Variants in RPL26L1 observed in about 807,000 individuals in gnomAD.
RPL26L1 encodes the protein ribosomal protein uL24-like.
Under a neutral mutation model 15.2 loss-of-function variants are expected in RPL26L1, and 8 were observed. The ratio of observed to expected loss-of-function variants is 0.53; its 90% CI spans 0.31 to 0.95. RPL26L1 has a LOEUF of 0.95. Ranked by LOEUF, RPL26L1 falls within the 40% of genes least tolerant of loss-of-function variation. RPL26L1 has a pLI of 0.05. For synonymous variants in RPL26L1, 51 were observed against 65.9 expected (o/e 0.77, Z 1.09); for missense variants, 146 against 190.9 (o/e 0.76, Z 1.39).
At chr5:172,955,289 C>A, upstream of RPL26L1, 1 of 282,854 alleles carries the variant, frequency 3.5e-6, no homozygotes. Context: ...CCACCATGCC[C>A]AGCTAATTTT....
chr5:172,959,504 T>C (rs2113522771), intron 1 of RPL26L1, 36 bp downstream of exon 1: 1 of 1,050,950 alleles, frequency 9.5e-7, no homozygotes, highest in Non-Finnish European at 1.2e-6. Flanking sequence ...GACAGTGAAC[T>C]CTACCGCCCC....
At chr5:172,964,263 C>T (rs1755359215) in intron 2 of RPL26L1, among the ~76,000 whole-genome samples, 1 of 144,548 alleles carries the variant, frequency 6.9e-6, no homozygotes, top group African/African-American at 2.5e-5. Flanking sequence ...GCATGAGCCA[C>T]AGTGTCTGGC....
chr5:172,957,032 T>TTC, upstream of RPL26L1: 1 of 368,112 alleles, frequency 2.7e-6, no homozygotes, highest in South Asian at 2.0e-5. Flanking sequence ...ACCAAGAGGC[T>TTC]GAATATCTTC....
upstream of RPL26L1, among the ~76,000 whole-genome samples, chr5:172,954,163 G>C (rs1390298504): frequency 6.6e-6 from 1 of 152,210 alleles, no homozygotes; most frequent in African/African-American, 2.4e-5. Flanking sequence ...TGAGCTACAA[G>C]AAATGAACCT....
chr5:172,968,074 G>A (rs1755537211), intron 2 of RPL26L1, among the ~76,000 whole-genome samples: 1 of 151,798 alleles, frequency 6.6e-6, no homozygotes, highest in Non-Finnish European at 1.5e-5. Flanking sequence ...TCAGATTTGG[G>A]GTGCTTAGCT....
chr5:172,959,711 C>T, intron 1 of RPL26L1, 154 bp from the exon 2 acceptor site: 3 of 1,089,278 alleles, frequency 2.8e-6, no homozygotes, highest in Non-Finnish European at 4.0e-6. Flanking sequence ...GATAGTCAGA[C>T]TAGTCGCATC....
At chr5:172,955,261 T>C (rs533921075), upstream of RPL26L1, 130 of 318,526 alleles carry the variant, frequency 4.1e-4, 1 homozygote, top group Middle Eastern at 4.6e-3. Flanking sequence ...CCTGAGTAGC[T>C]GAGATTACAG....
intron 3 of RPL26L1, among the ~76,000 whole-genome samples, chr5:172,969,027 C>T (rs776202732): frequency 1.5e-4 from 23 of 151,698 alleles, no homozygotes; most frequent in Admixed American, 6.6e-4. Flanking sequence ...AGGATGGTCT[C>T]GATCTCCTGA....
intron 3 of RPL26L1, 85 bp downstream of exon 3, chr5:172,968,684 C>T: frequency 6.6e-7 from 1 of 1,515,896 alleles, no homozygotes; most frequent in South Asian, 1.2e-5. Context: ...ACTCCCTGCA[C>T]AGTTGGCTGA....
upstream of RPL26L1, chr5:172,956,996 T>C (rs574669948): frequency 1.2e-4 from 42 of 346,012 alleles, no homozygotes; most frequent in East Asian, 2.7e-3. Context: ...ATTATTCCCA[T>C]TTTTCAGATG....
At chr5:172,969,369 G>C (rs749499058) in intron 3 of RPL26L1, 44 bp from the exon 4 acceptor site, 2 of 1,601,076 alleles carry the variant, frequency 1.2e-6, no homozygotes, top group Admixed American at 3.4e-5. Flanking sequence ...CTCAATAGCT[G>C]GTGGGGATGC....
intron 2 of RPL26L1, among the ~76,000 whole-genome samples, chr5:172,965,415 C>T (rs1303887478): frequency 6.6e-6 from 1 of 152,166 alleles, no homozygotes; most frequent in Non-Finnish European, 1.5e-5. Flanking sequence ...TTTCCATCCC[C>T]CTCAAACATC....
In RPL26L1 at chr5:172,968,492, G is replaced by A; in HGVS notation, c.202G>A (p.Gly68Ser). 2.5e-6 allele frequency: 4 copies of A among 1,614,066 alleles called. No homozygotes were observed. The highest frequency in any genetic ancestry group is 3.4e-6 in the Non-Finnish European group (4 of 1,180,006). Residue 68 changes from glycine to serine, a missense_variant, in exon 3 of 4, where the codon GGC becomes AGC. Transcript: ENST00000265100. ...AGGACACTACAAAGGTCAGCAAATTGGCAAGGTAGTCCAGGTGTACAGAAA... is the reference window on the plus strand; with the variant it reads ...AGGACACTACAAAGGTCAGCAAATTAGCAAGGTAGTCCAGGTGTACAGAAA... ...VRGHYKGQQI[G>S]KVVQVYRKKY...
Position 172,969,330 on chromosome 5 carries a change from G to A in RPL26L1, c.310-83G>A. 2.8e-6 allele frequency: 4 copies of A among 1,412,478 alleles called. No individual in the cohort carries two copies. The South Asian group carries it at 5.0e-5, about 18-fold the overall frequency. 87.5% of individuals were successfully genotyped at this position (1,412,478 alleles called of 1,614,324 possible). A position where few individuals can be genotyped will look rare whatever the true frequency, so the allele number is the denominator to read the frequency against. On this transcript the variant is annotated intron_variant, in intron 3 of 3. Coordinates refer to ENST00000265100, the MANE Select transcript of RPL26L1 (RefSeq NM_016093.4). ...GTTCCTTAAAAGCTGAATGGCTGAG[G>A]TCTTACTTAACTTATGATGTCTATA...
chr5:172,959,008 G>C (rs1413831897), upstream of RPL26L1: 1 of 152,704 alleles, frequency 6.5e-6, no homozygotes, highest in African/African-American at 2.4e-5. Flanking sequence ...GGATCACGAG[G>C]TCAGGAAATC....
intron 2 of RPL26L1, among the ~76,000 whole-genome samples, chr5:172,961,281 A>T (rs1755226363): frequency 6.6e-6 from 1 of 152,170 alleles, no homozygotes; most frequent in Admixed American, 6.5e-5. Context: ...TCTCTCCTGG[A>T]TCCTTCCCAT....
At chr5:172,954,506 T>G (rs1764310219), upstream of RPL26L1, among the ~76,000 whole-genome samples, 1 of 150,798 alleles carries the variant, frequency 6.6e-6, no homozygotes, top group Non-Finnish European at 1.5e-5. Context: ...GGGGGAGTGG[T>G]GGAGGCTGCA....
upstream of RPL26L1, chr5:172,958,449 G>A (rs1414191706): frequency 2.2e-6 from 1 of 456,170 alleles, no homozygotes; most frequent in South Asian, 1.5e-5. Flanking sequence ...CTAAGTTGTC[G>A]TTCAACATAT....
intron 2 of RPL26L1, among the ~76,000 whole-genome samples, chr5:172,965,363 T>C (rs1755413598): frequency 6.6e-6 from 1 of 152,194 alleles, no homozygotes; most frequent in Admixed American, 6.5e-5. Context: ...AATCATGTTT[T>C]CCCTTCTTTA....
Sources: gnomAD v4.1 joint callset for allele counts (sites outside exome capture counted in the v4.1 genomes callset) on GRCh38, gnomAD v4.1.1 for gene constraint, MANE v1.5 for transcripts, NCBI Gene and HGNC (gene_info 2026-07-23, HGNC 2026-07-21) for gene names.